Variants in CAND1 observed in about 807,000 individuals in gnomAD.
The protein encoded by CAND1 is cullin associated and neddylation dissociated 1.
CAND1 carries 7 observed loss-of-function variants against 108.5 expected under a neutral mutation model. That is an observed-to-expected ratio of 0.06 (90% CI 0.04 to 0.12). The LOEUF (loss-of-function observed/expected upper bound fraction) is 0.12. CAND1 is among the 10% of genes least tolerant of loss of function. The pLI is 1.00. For missense variants in CAND1, 941 were observed against 1,448.7 expected (o/e 0.65, Z 5.69); for synonymous variants, 534 against 512.0 (o/e 1.04, Z -0.58).
intron 4 of CAND1, among the ~76,000 whole-genome samples, chr12:67,296,888 A>G (rs1477157910): frequency 6.6e-6 from 1 of 151,852 alleles, no homozygotes; most frequent in Non-Finnish European, 1.5e-5. Flanking sequence ...GCCTCAATTT[A>G]CCAGGCTCAG....
rs1291635884 is a variant in CAND1, at chr12:67,310,073, A to G, written c.3195+3A>G. On this transcript the variant is annotated splice_donor_region_variant and intron_variant, in intron 12 of 14. Transcript: ENST00000545606. ...TTAGAAAGGAGCTTATAAGAGAGGT[A>G]AGTTAGATCACACTGTTTATTTGAG... 6.2e-7 allele frequency: 1 copy of G among 1,610,718 alleles called. No individual in the cohort carries two copies.
rs2045019073 is a variant in CAND1 at position 67,317,472 on chromosome 12, A to ATTTTT, written c.*4642_*4643insTTTTT. On this transcript the variant is annotated 3_prime_UTR_variant, in exon 15 of 15. Transcript: ENST00000545606. Reference sequence around the variant, plus strand: ...TCTTTTTTCTTTTTTTTTCTTTCTTAATTTTTTTTTTTTTTTTTTTTTTTG... The same window carrying ATTTTT: ...TCTTTTTTCTTTTTTTTTCTTTCTTATTTTTATTTTTTTTTTTTTTTTTTTTTTTG... The ATTTTT allele has an allele frequency of 8.6e-6, 1 of 116,630 alleles. No individual in the cohort carries two copies. The highest frequency in any genetic ancestry group is 3.9e-5 in the African/African-American group (1 of 25,546). 7.2% of individuals were successfully genotyped at this position (116,630 alleles called of 1,614,324 possible). A position where few individuals can be genotyped will look rare whatever the true frequency, so the allele number is the denominator to read the frequency against.
At position 67,313,024 on chromosome 12, in the gene CAND1, AT is replaced by A. The variant is rs537435678; in HGVS notation, c.*195del. ...ATTTATTTCAGAAATGTGTATTTCC[AT>A]AATCCAGAGGTTGTAAAACCACTAG... On this transcript the variant is annotated 3_prime_UTR_variant, in exon 15 of 15. Transcript: ENST00000545606. 2.0e-3 allele frequency: 1,041 copies of A among 508,512 alleles called. 4 individuals carry two copies. Among genetic ancestry groups the A allele is most frequent in the Non-Finnish European group, 2.4e-3 (687 of 286,916 alleles). The allele number at this position is 508,512 out of a possible 1,614,324, so 31.5% of individuals were successfully genotyped here.
chr12:67,280,489 G>T (rs1284903426), intron 1 of CAND1, among the ~76,000 whole-genome samples: 1 of 152,066 alleles, frequency 6.6e-6, no homozygotes, highest in Non-Finnish European at 1.5e-5. Context: ...TCTCTGTAGT[G>T]TACAAAATAA....
At position 67,315,526 on chromosome 12, in the gene CAND1, C is replaced by T. The variant is rs1167076234; in HGVS notation, c.*2696C>T. ...TAACCTAAAAGGTTATTTATAAAAT[C>T]AATAGCACTGAATGATAATTTTTTT... On this transcript the variant is annotated 3_prime_UTR_variant, in exon 15 of 15. Coordinates refer to ENST00000545606, the MANE Select transcript of CAND1 (RefSeq NM_018448.5). The T allele has an allele frequency of 6.7e-6, 1 of 148,366 alleles. No homozygotes were observed. The highest frequency in any genetic ancestry group is 2.5e-5 in the African/African-American group (1 of 39,744). 9.2% of individuals were successfully genotyped at this position (148,366 alleles called of 1,614,324 possible).
chr12:67,269,714 C>A lies in CAND1; in HGVS notation c.-4C>A, dbSNP rs1490073327. 1 of 1,602,260 alleles carries A rather than the reference C, an allele frequency of 6.2e-7. No individual in the cohort carries two copies. The highest frequency in any genetic ancestry group is 2.3e-5 in the East Asian group (1 of 43,476). ...CGCCAGCAGGCGGGATCGAGGCCGT[C>A]AACATGGCGAGCGCCTCGTACCACA... On this transcript the variant is annotated 5_prime_UTR_variant, in exon 1 of 15. Coordinates refer to ENST00000545606, the MANE Select transcript of CAND1 (RefSeq NM_018448.5).
Position 67,306,349 on chromosome 12 carries a change from T to C in CAND1, c.2681T>C (p.Phe894Ser). 6.2e-7 allele frequency: 1 copy of C among 1,614,134 alleles called. No homozygotes were observed. Among genetic ancestry groups the C allele is most frequent in the Non-Finnish European group, 8.5e-7 (1 of 1,179,996 alleles). The change falls in exon 10 of 15, where the codon TTT becomes TCT. Residue 894 changes from phenylalanine (F) to serine (S), a missense_variant. This residue lies in a region of CAND1 where 697 missense variants were observed against 942.0 expected (regional missense o/e 0.74). Coordinates refer to ENST00000545606, the MANE Select transcript of CAND1 (RefSeq NM_018448.5). ...SVGNLPEYLP[F>S]VLQEITSQPK... Reference sequence around the variant, plus strand: ...GGCAACCTTCCTGAATATCTGCCGTTTGTCCTGCAAGAAATAACTAGTCAA... The same window carrying C: ...GGCAACCTTCCTGAATATCTGCCGTCTGTCCTGCAAGAAATAACTAGTCAA...
At chr12:67,298,803 TG>T (rs774800954) in intron 6 of CAND1, 146 bp from the exon 7 acceptor site, 92 of 582,142 alleles carry the variant, frequency 1.6e-4, no homozygotes, top group Non-Finnish European at 2.7e-4. Flanking sequence ...AGTAAGTCCA[TG>T]GGAGAGAAAG....
At chr12:67,294,700 C>A (rs2044752792) in intron 3 of CAND1, among the ~76,000 whole-genome samples, 1 of 152,124 alleles carries the variant, frequency 6.6e-6, no homozygotes, top group African/African-American at 2.4e-5. Context: ...GTCCTTTACC[C>A]CTTCTGAAGT....
chr12:67,291,057 G>C (rs927053202), intron 2 of CAND1, among the ~76,000 whole-genome samples: 1 of 152,066 alleles, frequency 6.6e-6, no homozygotes, highest in South Asian at 2.1e-4. Context: ...CCATGAAATC[G>C]GTCCCTGCTG....
rs2044876115 is a variant in CAND1 at position 67,305,770 on chromosome 12, T to C, written c.2102T>C (p.Ile701Thr). 1 of 1,614,218 alleles carries C rather than the reference T, an allele frequency of 6.2e-7. No individual in the cohort carries two copies. Among genetic ancestry groups the C allele is most frequent in the South Asian group, 1.1e-5 (1 of 91,084 alleles). The change falls in exon 10 of 15, where the codon ATC becomes ACC. Residue 701 changes from isoleucine to threonine, a missense_variant. Around this residue, in one of 9 missense-constraint regions of CAND1, gnomAD observed 697 missense variants for 942.0 expected, o/e 0.74. Coordinates refer to ENST00000545606, the MANE Select transcript of CAND1 (RefSeq NM_018448.5). The surrounding 1 kb of genome is among the most constrained non-coding windows in gnomAD (Gnocchi z 4.4). ...DAVLDELPPL[I>T]SESDMHVSQM... is the part of the protein sequence containing the mutation. ...GTTCTAGATGAGCTCCCACCTCTTA[T>C]CAGCGAAAGTGATATGCATGTTTCA...
chr12:67,272,757 C>T (rs531103141), intron 1 of CAND1, among the ~76,000 whole-genome samples: 124 of 152,070 alleles, frequency 8.2e-4, no homozygotes, highest in African/African-American at 2.8e-3. Flanking sequence ...AGTGCAGGGG[C>T]GCCATCTCAG....
In CAND1 at chr12:67,305,012, G is replaced by A; in HGVS notation, c.1436-92G>A. ...ACTTATAGAAATAATATAATGAAGT[G>A]GGAACATTAGCAGTACTATAGGGGT... On this transcript the variant is annotated intron_variant, in intron 9 of 14. Transcript: ENST00000545606. The surrounding 1 kb of genome is among the most constrained non-coding windows in gnomAD (Gnocchi z 4.4). 1 of 1,040,720 alleles carries A rather than the reference G, an allele frequency of 9.6e-7. No homozygotes were observed. The highest frequency in any genetic ancestry group is 1.6e-5 in the African/African-American group (1 of 62,260). The allele number at this position is 1,040,720 out of a possible 1,614,324, so 64.5% of individuals were successfully genotyped here. A position where few individuals can be genotyped will look rare whatever the true frequency, so the allele number is the denominator to read the frequency against.
intron 1 of CAND1, among the ~76,000 whole-genome samples, chr12:67,281,457 G>A (rs543334885): frequency 2.8e-4 from 42 of 152,268 alleles, no homozygotes; most frequent in South Asian, 1.2e-3. Context: ...CTTAATGTTT[G>A]GAAGGTGTTC....
At position 67,309,895 on chromosome 12, in the gene CAND1, T is replaced by C. The variant is rs1407845166; in HGVS notation, c.3026-6T>C. On this transcript the variant is annotated splice_region_variant and splice_polypyrimidine_tract_variant and intron_variant, in intron 11 of 14. Coordinates refer to ENST00000545606, the MANE Select transcript of CAND1 (RefSeq NM_018448.5). The stretch of plus-strand genomic sequence containing the variant: ...TCTGTCTGTTGCTTTTCTTGTAATA[T>C]TTCAGGTGATTTCCTAAAAACTTTG... The C allele has an allele frequency of 6.3e-7, 1 of 1,591,236 alleles. No homozygotes were observed. The highest frequency in any genetic ancestry group is 1.4e-5 in the African/African-American group (1 of 73,758).
chr12:67,284,225 A>C (rs999083009), intron 2 of CAND1, among the ~76,000 whole-genome samples: 8 of 152,112 alleles, frequency 5.3e-5, no homozygotes, highest in African/African-American at 1.9e-4. Flanking sequence ...AAAACCTTCC[A>C]GACTTTTATT....
At chr12:67,289,137 T>C (rs1323276910) in intron 2 of CAND1, among the ~76,000 whole-genome samples, 1 of 152,160 alleles carries the variant, frequency 6.6e-6, no homozygotes, top group Non-Finnish European at 1.5e-5. Context: ...AGTCTTGTTT[T>C]TTCTTTTATT....
chr12:67,311,872 G>T, intron 14 of CAND1, 72 bp downstream of exon 14: 1 of 872,480 alleles, frequency 1.1e-6, no homozygotes, highest in South Asian at 1.3e-5. Context: ...CTTTTCTCTA[G>T]CTTTCCAAAT....
At chr12:67,269,835 G>A (rs1180030336) in intron 1 of CAND1, 50 bp downstream of exon 1, 3 of 1,524,940 alleles carry the variant, frequency 2.0e-6, no homozygotes, top group South Asian at 1.2e-5. Flanking sequence ...TCGCAGCCGC[G>A]GCCCTGGCCG....
Sources: gnomAD v4.1 joint callset for allele counts (sites outside exome capture counted in the v4.1 genomes callset) on GRCh38, gnomAD v4.1.1 for gene constraint, gnomAD v4.1.1 regional missense constraint, Gnocchi (gnomAD v3.1) non-coding constraint, MANE v1.5 for transcripts, NCBI Gene and HGNC (gene_info 2026-07-23, HGNC 2026-07-21) for gene names.